TENM2: variants seen among roughly 807,000 people sequenced by gnomAD.
TENM2 encodes the protein teneurin transmembrane protein 2.
A neutral mutation model predicts 245.2 loss-of-function variants in TENM2; 52 were observed. The observed-to-expected ratio is 0.21, with a 90% confidence interval of 0.17 to 0.27. The LOEUF (loss-of-function observed/expected upper bound fraction) is 0.27. Ranked by LOEUF, TENM2 falls within the 10% of genes least tolerant of loss-of-function variation. The pLI, the probability that TENM2 is intolerant of heterozygous loss-of-function variation, is 1.00. For missense variants in TENM2, 3,046 were observed against 3,666.8 expected (o/e 0.83, Z 4.37); for synonymous variants, 1,363 against 1,438.9 (o/e 0.95, Z 1.19).
chr5:167,576,215 A>G (rs1045642042), intron 2 of TENM2, among the ~76,000 whole-genome samples: 4 of 152,208 alleles, frequency 2.6e-5, no homozygotes, highest in African/African-American at 9.6e-5. Flanking sequence ...GTAGTTCAGC[A>G]TGTACTTTTT....
In TENM2 at chr5:167,374,817, G is replaced by T. The variant is rs77951193; in HGVS notation, c.227-381G>T. ...GTAATATTATCATCTTCATAAAGTTGCAAAACATTAAAAAATATAAAAGTT... is the reference window on the plus strand; with the variant it reads ...GTAATATTATCATCTTCATAAAGTTTCAAAACATTAAAAAATATAAAAGTT... On this transcript the variant is annotated intron_variant, in intron 1 of 28. Coordinates refer to ENST00000518659, the Ensembl canonical transcript of TENM2. Among the ~76,000 whole-genome samples, 716 of 152,064 alleles carry T rather than the reference G, an allele frequency of 4.7e-3. 4 individuals are homozygous for T. The highest frequency in any genetic ancestry group is 0.024 in the Middle Eastern group (7 of 294).
chr5:167,821,968 GA>G (rs759108174), intron 2 of TENM2, among the ~76,000 whole-genome samples: 1 of 152,086 alleles, frequency 6.6e-6, no homozygotes, highest in Non-Finnish European at 1.5e-5. Flanking sequence ...TCTTGTGAAG[GA>G]AAAGTTTTAT....
At chr5:167,721,397 C>T (rs1053891788) in intron 2 of TENM2, 15 of 152,280 alleles carry the variant, frequency 9.9e-5, no homozygotes, top group South Asian at 6.2e-4. Flanking sequence ...GATTATCCTA[C>T]GGTTCTATAG....
intron 2 of TENM2, among the ~76,000 whole-genome samples, chr5:167,629,745 A>G (rs1778741923): frequency 6.6e-6 from 1 of 152,218 alleles, no homozygotes; most frequent in South Asian, 2.1e-4. Flanking sequence ...CATTAAAGTA[A>G]TACACCTCCC....
chr5:167,119,961 G>T, the TENM2 span, among the ~76,000 whole-genome samples: 1 of 152,172 alleles, frequency 6.6e-6, no homozygotes, highest in Non-Finnish European at 1.5e-5. Flanking sequence ...TGGGAATGGG[G>T]CTTGGAGATA....
In TENM2 at chr5:168,062,044, CTT is replaced by C. The variant is rs11411759; in HGVS notation, c.1310-5_1310-4del. The C allele has an allele frequency of 2.1e-3, 3,140 of 1,464,538 alleles. No individual in the cohort carries two copies. The highest frequency in any genetic ancestry group is 8.5e-3 in the East Asian group (335 of 39,256). 90.7% of individuals were successfully genotyped at this position (1,464,538 alleles called of 1,614,324 possible). ...ACACGTCATTGACTGCTGTTTATTC[CTT>C]TTTTTTTTTTCAGTGCCCTGGTCGT... is the stretch of plus-strand genomic sequence containing the variant. On this transcript the variant is annotated splice_polypyrimidine_tract_variant and intron_variant, in intron 6 of 28. Transcript: ENST00000518659.
At chr5:168,154,147 TAAAAAAA>T (rs70976465) in intron 12 of TENM2, among the ~76,000 whole-genome samples, 1 of 85,100 alleles carries the variant, frequency 1.2e-5, no homozygotes, top group African/African-American at 3.8e-5. Context: ...TCACCTACTT[TAAAAAAA>T]AAAAAAAAAA....
chr5:167,561,721 A>G (rs1773601991), intron 2 of TENM2, among the ~76,000 whole-genome samples: 2 of 152,340 alleles, frequency 1.3e-5, no homozygotes, highest in East Asian at 1.9e-4. Context: ...GCAGACACCA[A>G]TTTACACCTC....
At position 168,238,155 on chromosome 5, in the gene TENM2, GAA is replaced by G. The variant is rs1392394413; in HGVS notation, c.5521-6263_5521-6262del. ...GTGAGACTCCATCTCAAGAAAGAAA[GAA>G]AGAGAGAGAGAGAGAGAGAGAGAGA... is the stretch of plus-strand genomic sequence containing the variant. On this transcript the variant is annotated intron_variant, in intron 25 of 28. Transcript: ENST00000518659. 1.5e-3 allele frequency among the ~76,000 whole-genome samples: 122 copies of G among 80,296 alleles called. 4 individuals carry two copies. Among genetic ancestry groups the G allele is most frequent in the African/African-American group, 9.7e-3 (112 of 11,572 alleles). The allele number at this position is 80,296 out of a possible 152,430, so 52.7% of individuals were successfully genotyped here.
the TENM2 span, among the ~76,000 whole-genome samples, chr5:167,105,555 GTAAT>G: frequency 6.6e-6 from 1 of 152,184 alleles, no homozygotes; most frequent in Non-Finnish European, 1.5e-5. Flanking sequence ...CTGAAATCAA[GTAAT>G]TAAGTGTTGT....
chr5:167,710,122 A>C (rs1028823712), intron 2 of TENM2, among the ~76,000 whole-genome samples: 1 of 152,148 alleles, frequency 6.6e-6, no homozygotes, highest in Admixed American at 6.5e-5. Context: ...TTGAACATAA[A>C]ATTTACCAGT....
rs545325301 is a variant in TENM2, at chr5:167,691,980, C to T, written c.503-184006C>T. Among the ~76,000 whole-genome samples the T allele has an allele frequency of 7.2e-5, 11 of 152,254 alleles. No individual in the cohort carries two copies. In the South Asian group the frequency reaches 1.7e-3, roughly 23 times the overall value. On this transcript the variant is annotated intron_variant, in intron 2 of 28. Coordinates refer to ENST00000518659, the Ensembl canonical transcript of TENM2. ...CTCACCTATTTTTTAGCACCATTTG[C>T]GGGAGAGGAGTACCTCCTTCTTGAC...
At chr5:167,050,338 G>A in the TENM2 span, among the ~76,000 whole-genome samples, 2 of 152,060 alleles carry the variant, frequency 1.3e-5, no homozygotes, top group African/African-American at 4.8e-5. Context: ...TACATGCTCC[G>A]TATGAGAATC....
At chr5:167,438,869 C>A (rs1463024056) in intron 2 of TENM2, among the ~76,000 whole-genome samples, 1 of 152,188 alleles carries the variant, frequency 6.6e-6, no homozygotes, top group Non-Finnish European at 1.5e-5. Context: ...TCTCAGCTCA[C>A]TGCAACCTCC....
chr5:167,746,219 A>T lies in TENM2; in HGVS notation c.503-129767A>T, dbSNP rs113460810. On this transcript the variant is annotated intron_variant, in intron 2 of 28. Coordinates refer to ENST00000518659, the Ensembl canonical transcript of TENM2. ...TAACAAAAAAGCAGGCATTTCCACG[A>T]AGCTTGCACACGAAACCCAATGGCT... Among the ~76,000 whole-genome samples, 76 of 152,266 alleles carry T rather than the reference A, an allele frequency of 5.0e-4. 1 individual carries two copies. The highest frequency in any genetic ancestry group is 1.8e-3 in the African/African-American group (76 of 41,548).
At chr5:168,014,550 A>T (rs189298073) in intron 5 of TENM2, among the ~76,000 whole-genome samples, 163 of 152,254 alleles carry the variant, frequency 1.1e-3, no homozygotes, top group African/African-American at 3.3e-3. Context: ...TTAAAAAAAA[A>T]TTTTTCCACA....
intron 4 of TENM2, among the ~76,000 whole-genome samples, chr5:167,985,389 G>A (rs1477631514): frequency 6.6e-6 from 1 of 152,162 alleles, no homozygotes; most frequent in African/African-American, 2.4e-5. Context: ...AACAACAGTC[G>A]ACACCTGGTT....
downstream of TENM2, chr5:168,263,022 T>G: frequency 5.8e-6 from 3 of 514,992 alleles, no homozygotes; most frequent in East Asian, 8.8e-5. Context: ...GGCTGAAAAT[T>G]CCGAGGAAAA....
intron 2 of TENM2, among the ~76,000 whole-genome samples, chr5:167,828,201 G>A (rs1177964319): frequency 6.6e-6 from 1 of 152,108 alleles, no homozygotes; most frequent in Non-Finnish European, 1.5e-5. Context: ...AGGGCTAAGG[G>A]GCTTGCCATA....
Sources: gnomAD v4.1 joint callset for allele counts (sites outside exome capture counted in the v4.1 genomes callset) on GRCh38, gnomAD v4.1.1 for gene constraint, MANE v1.5 for transcripts, NCBI Gene and HGNC (gene_info 2026-07-23, HGNC 2026-07-21) for gene names.